The following FBXO34 variants were observed in gnomAD, a reference collection of about 807,000 sequenced individuals.
The protein encoded by FBXO34 is F-box protein 34.
A neutral mutation model predicts 24.5 loss-of-function variants in FBXO34; 12 were observed. The observed-to-expected ratio is 0.49, with a 90% CI of 0.31 to 0.79. FBXO34 has a LOEUF of 0.79. FBXO34 is among the 30% of genes least tolerant of loss of function. FBXO34 has a pLI of 0.04. For synonymous variants in FBXO34, 320 were observed against 311.9 expected (o/e 1.03, Z -0.27); for missense variants, 823 against 857.7 (o/e 0.96, Z 0.51).
chr14:55,299,125 A>G, intron 1 of FBXO34: 1 of 1,265,050 alleles, frequency 7.9e-7, no homozygotes, highest in Non-Finnish European at 1.2e-6. Context: ...GAACTAGAAC[A>G]GGAGGAACCA....
downstream of FBXO34, among the ~76,000 whole-genome samples, chr14:55,364,622 T>C (rs1316557137): frequency 6.6e-6 from 1 of 151,200 alleles, no homozygotes; most frequent in Non-Finnish European, 1.5e-5. Context: ...AGAGATGGGG[T>C]TTTGCCATGT....
chr14:55,394,485 A>G, the FBXO34 span, among the ~76,000 whole-genome samples: 8,847 of 152,276 alleles, frequency 0.058, 323 homozygotes, highest in South Asian at 0.09. Flanking sequence ...CTTTCCTTAT[A>G]AAGTCATCAA....
chr14:55,419,469 C>T, the FBXO34 span, among the ~76,000 whole-genome samples: 1 of 152,266 alleles, frequency 6.6e-6, no homozygotes, highest in African/African-American at 2.4e-5. Flanking sequence ...ATTAATTTTA[C>T]TGTGGTTTAA....
the FBXO34 span, chr14:55,436,424 T>C: frequency 1.2e-6 from 1 of 841,648 alleles, no homozygotes; most frequent in South Asian, 1.8e-5. Context: ...CCACAATCCA[T>C]TTAGAACTGA....
intron 1 of FBXO34, among the ~76,000 whole-genome samples, chr14:55,304,924 A>C (rs1882487950): frequency 1.3e-5 from 2 of 152,088 alleles, no homozygotes; most frequent in African/African-American, 4.8e-5. Flanking sequence ...TTGTTTTTGT[A>C]CTTTTTGGTG....
the FBXO34 span, among the ~76,000 whole-genome samples, chr14:55,400,101 G>A: frequency 6.6e-6 from 1 of 152,192 alleles, no homozygotes; most frequent in Admixed American, 6.5e-5. Flanking sequence ...TGTCAGTAAA[G>A]CAAAAGAGCA....
At chr14:55,318,646 T>G (rs1381748043) in intron 1 of FBXO34, among the ~76,000 whole-genome samples, 1 of 151,620 alleles carries the variant, frequency 6.6e-6, no homozygotes, top group Non-Finnish European at 1.5e-5. Context: ...ATTATAAGGC[T>G]GAGCTACTGT....
intron 1 of FBXO34, among the ~76,000 whole-genome samples, chr14:55,275,551 A>T (rs1881305831): frequency 6.6e-6 from 1 of 152,002 alleles, no homozygotes; most frequent in Non-Finnish European, 1.5e-5. Context: ...GCAGTGGCTC[A>T]TGCCTGTGAT....
chr14:55,408,473 CCTCAAA>C, the FBXO34 span, among the ~76,000 whole-genome samples: 1 of 151,642 alleles, frequency 6.6e-6, no homozygotes, highest in African/African-American at 2.4e-5. Flanking sequence ...AAACAAACTT[CCTCAAA>C]CTCACATAGC....
intron 1 of FBXO34, among the ~76,000 whole-genome samples, chr14:55,313,022 A>G (rs900780951): frequency 2.0e-5 from 3 of 152,200 alleles, no homozygotes; most frequent in Admixed American, 6.5e-5. Flanking sequence ...CAAATTTTCC[A>G]AACTTTTATG....
intron 1 of FBXO34, among the ~76,000 whole-genome samples, chr14:55,276,621 T>A (rs1337810764): frequency 6.6e-6 from 1 of 152,062 alleles, no homozygotes; most frequent in Non-Finnish European, 1.5e-5. Context: ...TTAACTTTTA[T>A]ATCTTGGTTG....
At chr14:55,296,397 T>G (rs1444150756) in intron 1 of FBXO34, among the ~76,000 whole-genome samples, 24 of 130,986 alleles carry the variant, frequency 1.8e-4, no homozygotes, top group Admixed American at 6.0e-4. Flanking sequence ...TTTTGTTTTT[T>G]TTTTTTTTTT....
intron 1 of FBXO34, among the ~76,000 whole-genome samples, chr14:55,342,050 C>T (rs748447224): frequency 6.6e-5 from 10 of 152,096 alleles, no homozygotes; most frequent in Non-Finnish European, 7.4e-5. Context: ...GCATTTATTG[C>T]GAGCACAAAA....
At chr14:55,440,511 C>T in the FBXO34 span, 1 of 1,611,290 alleles carries the variant, frequency 6.2e-7, no homozygotes, top group Non-Finnish European at 8.5e-7. Flanking sequence ...AGCGAGCAGC[C>T]TCGGAACCCG....
chr14:55,361,116 A>G (rs1389343162), intron 3 of FBXO34, among the ~76,000 whole-genome samples: 1 of 152,236 alleles, frequency 6.6e-6, no homozygotes, highest in African/African-American at 2.4e-5. Flanking sequence ...CAGATCCATC[A>G]GAGGAATCAC....
chr14:55,284,084 A>G (rs896658969), intron 1 of FBXO34, among the ~76,000 whole-genome samples: 2 of 152,018 alleles, frequency 1.3e-5, no homozygotes, highest in African/African-American at 4.8e-5. Flanking sequence ...CTGCAGCCTC[A>G]GACTCCTGAG....
rs117282196 is a variant in FBXO34 at position 55,341,564 on chromosome 14, A to G, written c.-10-8817A>G. ...TTAGAATAGGTAAAATATGCAAGAGAGTTGTTAATAGGAACTCCGAATATC... is the reference window on the plus strand; with the variant it reads ...TTAGAATAGGTAAAATATGCAAGAGGGTTGTTAATAGGAACTCCGAATATC... On this transcript the variant is annotated intron_variant, in intron 1 of 1. Transcript: ENST00000313833. 5.8e-3 allele frequency among the ~76,000 whole-genome samples: 887 copies of G among 152,298 alleles called. 4 individuals carry two copies. The highest frequency in any genetic ancestry group is 0.01 in the Non-Finnish European group (681 of 68,018).
the FBXO34 span, chr14:55,411,903 A>G: frequency 7.6e-7 from 1 of 1,322,370 alleles, no homozygotes; most frequent in Admixed American, 2.3e-5. Context: ...GGGCCTGGGG[A>G]AGGGGGGCTG....
At chr14:55,442,808 C>T in the FBXO34 span, among the ~76,000 whole-genome samples, 2 of 152,080 alleles carry the variant, frequency 1.3e-5, no homozygotes, top group Non-Finnish European at 2.9e-5. Flanking sequence ...TGTTTCCCCC[C>T]AAAATTTATA....
Sources: allele counts gnomAD v4.1 joint callset (sites outside exome capture counted in the v4.1 genomes callset), GRCh38; gene constraint gnomAD v4.1.1; transcripts MANE v1.5; gene names NCBI Gene and HGNC (gene_info 2026-07-23, HGNC 2026-07-21).